Variants in DIPK1A observed in about 807,000 individuals in gnomAD.
DIPK1A encodes family with sequence similarity 69 member A.
Under a neutral mutation model 40.8 loss-of-function variants are expected in DIPK1A, and 27 were observed. The ratio of observed to expected loss-of-function variants is 0.66; its 90% CI spans 0.49 to 0.91. The LOEUF is 0.91. Ranked by LOEUF, DIPK1A falls within the 40% of genes least tolerant of loss-of-function variation. The pLI is 0.00. For synonymous variants in DIPK1A, 166 were observed against 171.3 expected, an observed-to-expected ratio of 0.97 and a Z score of 0.24; for missense variants, 412 against 505.7, an observed-to-expected ratio of 0.81 and a Z score of 1.78.
chr1:92,840,633 A>G (rs1379364559), downstream of DIPK1A: 3 of 1,607,836 alleles, frequency 1.9e-6, no homozygotes, highest in South Asian at 2.2e-5. Context: ...GAAGTTAAAA[A>G]GAAGAGGTAT....
At chr1:92,931,911 A>G (rs185036905) in intron 1 of DIPK1A, 13 of 212,058 alleles carry the variant, frequency 6.1e-5, no homozygotes, top group African/African-American at 2.6e-4. Context: ...AAGTTGAAAA[A>G]TGCAAATAAT....
intron 1 of DIPK1A, among the ~76,000 whole-genome samples, chr1:92,899,720 G>A (rs907501506): frequency 2.0e-5 from 3 of 152,002 alleles, no homozygotes; most frequent in Non-Finnish European, 2.9e-5. Context: ...CTTCATGAAC[G>A]TGCTCTACAA....
intron 1 of DIPK1A, among the ~76,000 whole-genome samples, chr1:92,895,768 C>T (rs1283141990): frequency 6.6e-6 from 1 of 151,968 alleles, no homozygotes; most frequent in African/African-American, 2.4e-5. Flanking sequence ...TCGTCTCAGC[C>T]CAAAATCTCC....
At chr1:92,853,370 G>T (rs1687880291) in intron 2 of DIPK1A, among the ~76,000 whole-genome samples, 1 of 152,190 alleles carries the variant, frequency 6.6e-6, no homozygotes, top group Non-Finnish European at 1.5e-5. Context: ...TCCCACTGAG[G>T]TTCACTGGAC....
intron 4 of DIPK1A, among the ~76,000 whole-genome samples, chr1:92,846,817 A>ATATATGTGTG (rs1553123770): frequency 7.0e-4 from 4 of 5,714 alleles, no homozygotes; most frequent in East Asian, 0.016. Flanking sequence ...ATATATATAT[A>ATATATGTGTG]TATATATATA....
intron 1 of DIPK1A, among the ~76,000 whole-genome samples, chr1:92,902,914 G>A (rs1304236002): frequency 6.6e-6 from 1 of 152,174 alleles, no homozygotes; most frequent in South Asian, 2.1e-4. Context: ...GCTTCTAGTC[G>A]GCCATCTTGC....
intron 2 of DIPK1A, among the ~76,000 whole-genome samples, chr1:92,875,839 TAC>T (rs1404306119): frequency 1.4e-4 from 21 of 151,884 alleles, no homozygotes; most frequent in African/African-American, 4.8e-4. Flanking sequence ...CTTAGACTGA[TAC>T]AGTCATTTTT....
rs574753905 is a variant in DIPK1A at position 92,843,310 on chromosome 1, ATTT to A, written c.*70_*72del. Reference sequence around the variant, plus strand: ...GTGTAACTGGCCGGAATTTGAAGCCATTTTTTTTTAATGCTCAAAATTGTTCTT... The same window carrying A: ...GTGTAACTGGCCGGAATTTGAAGCCATTTTTTAATGCTCAAAATTGTTCTT... On this transcript the variant is annotated 3_prime_UTR_variant, in exon 5 of 5. Coordinates refer to ENST00000370310, the MANE Select transcript of DIPK1A (RefSeq NM_001006605.5). 4.3e-4 allele frequency: 547 copies of A among 1,276,220 alleles called. 3 individuals carry two copies. In the African/African-American group the frequency reaches 7.6e-3, roughly 18 times the overall value. The allele number at this position is 1,276,220 out of a possible 1,614,324, so 79.1% of individuals were successfully genotyped here. A position where few individuals can be genotyped will look rare whatever the true frequency, so the allele number is the denominator to read the frequency against.
intron 1 of DIPK1A, 49 bp downstream of exon 1, chr1:92,961,327 A>G: frequency 7.1e-7 from 1 of 1,417,562 alleles, no homozygotes; most frequent in Non-Finnish European, 9.5e-7. Context: ...GCGGCAGGGC[A>G]CACGGCCGGG....
intron 1 of DIPK1A, among the ~76,000 whole-genome samples, chr1:92,890,681 A>C (rs1015438314): frequency 6.6e-6 from 1 of 152,136 alleles, no homozygotes; most frequent in African/African-American, 2.4e-5. Flanking sequence ...GATCATGGTA[A>C]ATTATTTTTC....
At chr1:92,927,226 A>G (rs2100864559) in intron 1 of DIPK1A, among the ~76,000 whole-genome samples, 1 of 152,314 alleles carries the variant, frequency 6.6e-6, no homozygotes, top group South Asian at 2.1e-4. Context: ...TTTGTCACCT[A>G]TGATGGAGTA....
intron 1 of DIPK1A, among the ~76,000 whole-genome samples, chr1:92,884,043 A>G (rs1313715155): frequency 2.0e-5 from 3 of 152,340 alleles, no homozygotes; most frequent in Admixed American, 1.3e-4. Flanking sequence ...AGTCACATGT[A>G]TTTATGCCTA....
At chr1:92,856,946 T>C (rs1334048234) in intron 2 of DIPK1A, among the ~76,000 whole-genome samples, 3 of 152,164 alleles carry the variant, frequency 2.0e-5, no homozygotes, top group Non-Finnish European at 4.4e-5. Flanking sequence ...GGTATATTCA[T>C]AGTACGAAAT....
chr1:92,961,111 G>C (rs1652062275), intron 1 of DIPK1A, among the ~76,000 whole-genome samples: 1 of 152,042 alleles, frequency 6.6e-6, no homozygotes, highest in Non-Finnish European at 1.5e-5. Flanking sequence ...CAGGATGCGA[G>C]GGCGTACCCG....
rs115938311 is a variant in DIPK1A, at chr1:92,888,899, T to C, written c.55-12469A>G. On this transcript the variant is annotated intron_variant, in intron 1 of 4. Coordinates refer to ENST00000370310, the MANE Select transcript of DIPK1A (RefSeq NM_001006605.5). ...TGTTGGTTTGCTGTTGAGCTCTTTG[T>C]ATATTCTGGATATTAATTCCTTGTT... is the stretch of plus-strand genomic sequence containing the variant. Among the ~76,000 whole-genome samples the C allele has an allele frequency of 3.1e-3, 476 of 152,360 alleles. 4 individuals carry two copies. Among genetic ancestry groups the C allele is most frequent in the African/African-American group, 0.011 (462 of 41,594 alleles).
At chr1:92,935,278 T>C (rs972483551) in intron 1 of DIPK1A, among the ~76,000 whole-genome samples, 2 of 152,230 alleles carry the variant, frequency 1.3e-5, no homozygotes, top group African/African-American at 4.8e-5. Context: ...AGTCATTTCA[T>C]AACTTGACAT....
chr1:92,876,204 T>G, intron 2 of DIPK1A, 92 bp downstream of exon 2: 1 of 835,590 alleles, frequency 1.2e-6, no homozygotes, highest in Non-Finnish European at 1.7e-6. Context: ...AAATTAACTT[T>G]TATTTTTAAA....
At chr1:92,855,628 C>T (rs1687964684) in intron 2 of DIPK1A, among the ~76,000 whole-genome samples, 1 of 151,304 alleles carries the variant, frequency 6.6e-6, no homozygotes, top group Non-Finnish European at 1.5e-5. Context: ...CCCTTGAACC[C>T]ATGAGGTTGA....
chr1:92,833,019 A>G (rs372466975), exon 5 of DIPK1A: 186 of 741,948 alleles, frequency 2.5e-4, no homozygotes, highest in Non-Finnish European at 3.8e-4. Context: ...GTTTGGCACA[A>G]TTACCGGTGC....
Sources: gnomAD v4.1 joint callset for allele counts (sites outside exome capture counted in the v4.1 genomes callset) on GRCh38, gnomAD v4.1.1 for gene constraint, MANE v1.5 for transcripts, NCBI Gene and HGNC (gene_info 2026-07-23, HGNC 2026-07-21) for gene names.